The following GPC4 variants were observed in gnomAD, a reference collection of about 807,000 sequenced individuals.
GPC4 encodes glypican 4.
A neutral mutation model predicts 35.0 loss-of-function variants in GPC4; 10 were observed. The ratio of observed to expected loss-of-function variants is 0.29; its 90% CI spans 0.18 to 0.48. GPC4 has a LOEUF of 0.48. Ranked by LOEUF, GPC4 falls within the 20% of genes least tolerant of loss-of-function variation. The pLI, the probability that GPC4 is intolerant of heterozygous loss-of-function variation, is 0.99. For missense variants in GPC4, 322 were observed against 451.3 expected, an observed-to-expected ratio of 0.71 and a Z score of 2.60; for synonymous variants, 167 against 170.2, an observed-to-expected ratio of 0.98 and a Z score of 0.15.
chrX:133,360,543 AAAG>A (rs757290861), intron 1 of GPC4, among the ~76,000 whole-genome samples: 11 of 111,108 alleles, frequency 9.9e-5, no homozygotes, highest in African/African-American at 1.6e-4. Context: ...CGAAAAAAAA[AAAG>A]AAGAAGAAGA....
At chrX:133,339,387 A>G in intron 1 of GPC4, 46 bp from the exon 2 acceptor site, 3 of 1,148,101 alleles carry the variant, frequency 2.6e-6, no homozygotes, top group Non-Finnish European at 3.5e-6. Flanking sequence ...ATCATTCATG[A>G]AGTCCAAGAG....
chrX:133,385,996 G>T (rs2068687486), intron 1 of GPC4, among the ~76,000 whole-genome samples: 1 of 108,849 alleles, frequency 9.2e-6, no homozygotes, highest in Non-Finnish European at 1.9e-5. Flanking sequence ...CTTTTAAATA[G>T]CTTTAACAGT....
At chrX:133,409,433 T>C (rs1432269716) in intron 1 of GPC4, among the ~76,000 whole-genome samples, 2 of 109,461 alleles carry the variant, frequency 1.8e-5, no homozygotes, top group Non-Finnish European at 3.8e-5. Context: ...TATAATCTCA[T>C]TGTAGCACTA....
intron 1 of GPC4, among the ~76,000 whole-genome samples, chrX:133,360,039 G>T (rs904085474): frequency 9.0e-6 from 1 of 110,768 alleles, no homozygotes; most frequent in Non-Finnish European, 1.9e-5. Context: ...CTATGCTGGG[G>T]GGGGAGAGAA....
intron 1 of GPC4, among the ~76,000 whole-genome samples, chrX:133,413,222 C>G (rs1257744751): frequency 1.3e-4 from 15 of 111,702 alleles, no homozygotes. Context: ...TGAGGACATA[C>G]TTGAGCTCCC....
At chrX:133,337,008 A>C (rs1231336870) in intron 2 of GPC4, among the ~76,000 whole-genome samples, 1 of 110,636 alleles carries the variant, frequency 9.0e-6, no homozygotes, top group Non-Finnish European at 1.9e-5. Context: ...TAGTAGAGAC[A>C]GGGTTTCACC....
intron 1 of GPC4, among the ~76,000 whole-genome samples, chrX:133,377,296 G>C (rs1449158199): frequency 9.0e-6 from 1 of 111,493 alleles, no homozygotes; most frequent in Non-Finnish European, 1.9e-5. Context: ...AGTGAGGGTA[G>C]AGCAGCCTTT....
intron 1 of GPC4, among the ~76,000 whole-genome samples, chrX:133,382,220 A>C (rs970742187): frequency 6.3e-5 from 7 of 110,630 alleles, no homozygotes; most frequent in Non-Finnish European, 1.3e-4. Flanking sequence ...CGAGGTCAGG[A>C]GATCGAGACC....
intron 3 of GPC4, among the ~76,000 whole-genome samples, chrX:133,316,407 A>G (rs2124113581): frequency 9.0e-6 from 1 of 111,587 alleles, no homozygotes; most frequent in South Asian, 3.8e-4. Context: ...TATGTACCTA[A>G]ATGGCTTCTT....
At chrX:133,356,522 G>A (rs1181436126) in intron 1 of GPC4, among the ~76,000 whole-genome samples, 1 of 111,394 alleles carries the variant, frequency 9.0e-6, no homozygotes, top group Non-Finnish European at 1.9e-5. Flanking sequence ...TGGAATTACA[G>A]GTGTGAGCCA....
chrX:133,363,422 T>A (rs113531538), intron 1 of GPC4, among the ~76,000 whole-genome samples: 1,606 of 111,296 alleles, frequency 0.014, 37 homozygotes, highest in African/African-American at 0.05. Context: ...GAAAAGGATA[T>A]ACAGTTTTTC....
chrX:133,313,911 G>A (rs1007552011), intron 3 of GPC4, among the ~76,000 whole-genome samples: 22 of 111,958 alleles, frequency 2.0e-4, no homozygotes, highest in African/African-American at 6.5e-4. Context: ...CTGCAAAATG[G>A]CTAGATTTTA....
chrX:133,300,301 T>G lies in GPC4; in HGVS notation c.*2566A>C, dbSNP rs929431681. On this transcript the variant is annotated 3_prime_UTR_variant, in exon 9 of 9. Coordinates refer to ENST00000370828, the MANE Select transcript of GPC4 (RefSeq NM_001448.3). ...AAATATAAATCTAAGAGTTGTAAAA[T>G]CTTTAAGGTACAGAGTAGGTGATGT... The G allele has an allele frequency of 8.9e-6, 1 of 112,430 alleles. No individual in the cohort carries two copies. Among genetic ancestry groups the G allele is most frequent in the Non-Finnish European group, 1.9e-5 (1 of 53,336 alleles). 9.3% of individuals were successfully genotyped at this position (112,430 alleles called of 1,213,427 possible).
chrX:133,391,301 G>A (rs1023926854), intron 1 of GPC4, among the ~76,000 whole-genome samples: 3 of 111,865 alleles, frequency 2.7e-5, no homozygotes, highest in Non-Finnish European at 5.6e-5. Context: ...TTTCCAAGCA[G>A]TCTTTGTTAA....
At chrX:133,335,814 G>A (rs1274486859) in intron 2 of GPC4, among the ~76,000 whole-genome samples, 2 of 112,144 alleles carry the variant, frequency 1.8e-5, no homozygotes, top group Non-Finnish European at 3.8e-5. Context: ...TTAGAAAGAA[G>A]TGGTATCTCA....
intron 1 of GPC4, among the ~76,000 whole-genome samples, chrX:133,394,127 C>T (rs969030134): frequency 9.1e-6 from 1 of 110,206 alleles, no homozygotes; most frequent in Non-Finnish European, 1.9e-5. Context: ...AAAAATTAGT[C>T]AGGCATGGTA....
chrX:133,391,616 C>T (rs1461129581), intron 1 of GPC4, among the ~76,000 whole-genome samples: 1 of 112,031 alleles, frequency 8.9e-6, no homozygotes, highest in African/African-American at 3.2e-5. Context: ...AAAATTGCTT[C>T]GTGAACACAA....
intron 1 of GPC4, among the ~76,000 whole-genome samples, chrX:133,374,231 A>T (rs907218814): frequency 9.0e-6 from 1 of 111,534 alleles, no homozygotes; most frequent in Non-Finnish European, 1.9e-5. Flanking sequence ...GGATGAAACA[A>T]GCCTGCTCTT....
intron 1 of GPC4, among the ~76,000 whole-genome samples, chrX:133,399,261 C>T (rs1365728917): frequency 3.6e-5 from 4 of 111,375 alleles, no homozygotes; most frequent in African/African-American, 1.3e-4. Flanking sequence ...TGTCTGGTAC[C>T]TTTGCAGACC....
Sources: allele counts gnomAD v4.1 joint callset (sites outside exome capture counted in the v4.1 genomes callset), GRCh38; gene constraint gnomAD v4.1.1; transcripts MANE v1.5; gene names NCBI Gene and HGNC (gene_info 2026-07-23, HGNC 2026-07-21).